Variants in DENND2C observed in about 807,000 individuals in gnomAD.
DENND2C encodes the protein DENN domain containing 2C, also known as DENN domain-containing protein 2C.
In DENND2C, 72 loss-of-function variants were observed where a neutral mutation model predicts 112.4. That is an observed-to-expected ratio of 0.64 (90% CI 0.53 to 0.78). The LOEUF (loss-of-function observed/expected upper bound fraction) is 0.78. Ranked by LOEUF, DENND2C falls within the 30% of genes least tolerant of loss-of-function variation. DENND2C has a pLI of 0.00. For synonymous variants in DENND2C, 329 were observed against 381.6 expected (o/e 0.86, Z 1.61); for missense variants, 992 against 1,113.8 (o/e 0.89, Z 1.56).
Position 114,655,883 on chromosome 1 carries a change from A to AATATATATATATATATAT in DENND2C, c.-573-1123_-573-1122insATATATATATATATATAT, listed in dbSNP as rs10525704. Among the ~76,000 whole-genome samples, 169 of 125,872 alleles carry AATATATATATATATATAT rather than the reference A, an allele frequency of 1.3e-3. 1 individual carries two copies. Among genetic ancestry groups the AATATATATATATATATAT allele is most frequent in the African/African-American group, 3.9e-3 (146 of 37,112 alleles). The allele number at this position is 125,872 out of a possible 152,430, so 82.6% of individuals were successfully genotyped here. ...AAGAACTTTTATATATATATGTATA[A>AATATATATATATATATAT]ATATATATATATATATAATATGTAT... On this transcript the variant is annotated intron_variant, in intron 1 of 20. Transcript: ENST00000393274.
chr1:114,614,567 A>G (rs2101657975), intron 8 of DENND2C, among the ~76,000 whole-genome samples: 1 of 151,892 alleles, frequency 6.6e-6, no homozygotes, highest in Non-Finnish European at 1.5e-5. Flanking sequence ...GAAGTTGGCT[A>G]GAAGTTGGAG....
intron 8 of DENND2C, among the ~76,000 whole-genome samples, chr1:114,617,711 T>G (rs1656014088): frequency 6.6e-6 from 1 of 151,582 alleles, no homozygotes; most frequent in Admixed American, 6.6e-5. Flanking sequence ...AAGAACAGAT[T>G]GAAAAATTTT....
At chr1:114,655,885 T>TATATAC (rs1553238231) in intron 1 of DENND2C, among the ~76,000 whole-genome samples, 3 of 140,414 alleles carry the variant, frequency 2.1e-5, no homozygotes, top group Non-Finnish European at 4.8e-5. Context: ...TATGTATAAA[T>TATATAC]ATATATATAT....
chr1:114,665,000 A>G (rs1186661713), intron 1 of DENND2C, among the ~76,000 whole-genome samples: 1 of 151,984 alleles, frequency 6.6e-6, no homozygotes, highest in Non-Finnish European at 1.5e-5. Context: ...AGGCTGAGAC[A>G]GGAGAATCAC....
chr1:114,661,763 T>C lies in DENND2C; in HGVS notation c.-573-7002A>G, dbSNP rs374279698. On this transcript the variant is annotated intron_variant, in intron 1 of 20. Transcript: ENST00000393274. Reference sequence around the variant, plus strand: ...TCATTGCACATACCTCTGTATTTTTTACTTCGTTTTTTTCTTCTAATAATG... The same window carrying C: ...TCATTGCACATACCTCTGTATTTTTCACTTCGTTTTTTTCTTCTAATAATG... Among the ~76,000 whole-genome samples the C allele has an allele frequency of 3.9e-5, 6 of 152,366 alleles. No individual in the cohort carries two copies. In the East Asian group the frequency reaches 9.6e-4, roughly 24 times the overall value.
chr1:114,616,011 C>A (rs1655957807), intron 8 of DENND2C, among the ~76,000 whole-genome samples: 1 of 151,900 alleles, frequency 6.6e-6, no homozygotes, highest in African/African-American at 2.4e-5. Context: ...GGAGGCGGAG[C>A]TTGCAGTGAG....
At chr1:114,590,242 T>C (rs976216312) in intron 18 of DENND2C, among the ~76,000 whole-genome samples, 2 of 152,036 alleles carry the variant, frequency 1.3e-5, no homozygotes, top group African/African-American at 4.8e-5. Flanking sequence ...ATTAAAGAAT[T>C]AGCTGAGCGT....
intron 20 of DENND2C, 134 bp from the exon 21 acceptor site, chr1:114,585,765 T>C (rs1396560202): frequency 7.0e-6 from 6 of 851,886 alleles, no homozygotes; most frequent in Non-Finnish European, 1.1e-5. Flanking sequence ...TCAGTTGATG[T>C]GTTTAACCCC....
intron 2 of DENND2C, among the ~76,000 whole-genome samples, chr1:114,649,115 T>C (rs1322637558): frequency 1.3e-5 from 2 of 151,524 alleles, no homozygotes; most frequent in African/African-American, 4.9e-5. Context: ...CCACCATGCC[T>C]GACTAATTTT....
At chr1:114,629,240 A>T (rs1291631440) in intron 3 of DENND2C, among the ~76,000 whole-genome samples, 1 of 152,182 alleles carries the variant, frequency 6.6e-6, no homozygotes, top group Non-Finnish European at 1.5e-5. Context: ...TCAGTTCCTC[A>T]CCTGAACAAT....
At chr1:114,589,787 A>G (rs1297758107) in intron 18 of DENND2C, among the ~76,000 whole-genome samples, 1 of 151,758 alleles carries the variant, frequency 6.6e-6, no homozygotes, top group Non-Finnish European at 1.5e-5. Context: ...ATATTCTTTG[A>G]TATGTATGAA....
At position 114,583,492 on chromosome 1, in the gene DENND2C, AAAC is replaced by A. The variant is rs1022853144; in HGVS notation, c.*2105_*2107del. 1 of 146,328 alleles carries A rather than the reference AAAC, an allele frequency of 6.8e-6. No individual in the cohort carries two copies. Among genetic ancestry groups the A allele is most frequent in the African/African-American group, 2.7e-5 (1 of 37,706 alleles). The allele number at this position is 146,328 out of a possible 1,614,324, so 9.1% of individuals were successfully genotyped here. ...AACTTGAATTTGCCCATGAGTTTGA[AAAC>A]ACACACACACACACACACACACACA... On this transcript the variant is annotated 3_prime_UTR_variant, in exon 21 of 21. Coordinates refer to ENST00000393274, the MANE Select transcript of DENND2C (RefSeq NM_001256404.2).
chr1:114,644,281 T>C (rs1570802198), intron 3 of DENND2C, among the ~76,000 whole-genome samples: 1 of 152,188 alleles, frequency 6.6e-6, no homozygotes, highest in African/African-American at 2.4e-5. Flanking sequence ...ATTTTCTCCA[T>C]AGAACTTATC....
At chr1:114,605,422 A>G (rs1655633049) in intron 10 of DENND2C, among the ~76,000 whole-genome samples, 1 of 152,222 alleles carries the variant, frequency 6.6e-6, no homozygotes, top group Admixed American at 6.5e-5. Flanking sequence ...TCTTCAATGT[A>G]CTGAGAACAA....
intron 8 of DENND2C, 53 bp downstream of exon 8, chr1:114,618,333 T>C: frequency 7.7e-7 from 1 of 1,299,450 alleles, no homozygotes; most frequent in Non-Finnish European, 1.1e-6. Context: ...ATGGTGATTC[T>C]CCTCTCATAT....
chr1:114,644,797 A>G (rs1304056981), intron 3 of DENND2C, among the ~76,000 whole-genome samples: 2 of 152,172 alleles, frequency 1.3e-5, no homozygotes, highest in Non-Finnish European at 2.9e-5. Context: ...ATTTAATAGC[A>G]CATAACATAC....
chr1:114,662,446 G>A (rs1657523074), intron 1 of DENND2C, among the ~76,000 whole-genome samples: 1 of 151,724 alleles, frequency 6.6e-6, no homozygotes, highest in African/African-American at 2.4e-5. Context: ...CAAACTTGAA[G>A]GAAAAAAAAT....
intron 4 of DENND2C, among the ~76,000 whole-genome samples, chr1:114,624,585 C>A (rs1302998674): frequency 6.6e-6 from 1 of 150,946 alleles, no homozygotes; most frequent in Non-Finnish European, 1.5e-5. Flanking sequence ...TGGGACTGAG[C>A]CACCACACCC....
intron 3 of DENND2C, among the ~76,000 whole-genome samples, chr1:114,643,098 A>C (rs1270074612): frequency 2.0e-5 from 3 of 152,200 alleles, no homozygotes; most frequent in Non-Finnish European, 2.9e-5. Flanking sequence ...AAAAAGAGGA[A>C]AGTCAGGGAT....
Sources: gnomAD v4.1 joint callset for allele counts (sites outside exome capture counted in the v4.1 genomes callset) on GRCh38, gnomAD v4.1.1 for gene constraint, MANE v1.5 for transcripts, NCBI Gene and HGNC (gene_info 2026-07-23, HGNC 2026-07-21) for gene names.